RAD51B: variants seen among roughly 807,000 people sequenced by gnomAD.
RAD51B encodes the protein DNA repair protein RAD51 homolog 2.
In RAD51B, 38 loss-of-function variants were observed where a neutral mutation model predicts 42.2. The observed-to-expected ratio is 0.90, with a 90% CI of 0.70 to 1.18. RAD51B has a LOEUF of 1.18. Ranked by LOEUF, RAD51B falls within the 50% of genes most tolerant of loss-of-function variation. RAD51B has a pLI of 0.00. For missense variants in RAD51B, 373 were observed against 400.7 expected (o/e 0.93, Z 0.59); for synonymous variants, 154 against 145.2 (o/e 1.06, Z -0.43).
chr14:68,668,318 T>C (rs922443690), intron 11 of RAD51B, among the ~76,000 whole-genome samples: 5 of 152,226 alleles, frequency 3.3e-5, no homozygotes, highest in Admixed American at 6.5e-5. Context: ...ATGAGAGTTT[T>C]GTCTGAGGAC....
At position 68,167,690 on chromosome 14, in the gene RAD51B, A is replaced by G. The variant is rs950461017; in HGVS notation, c.757-124194A>G. On this transcript the variant is annotated intron_variant, in intron 7 of 10. Coordinates refer to ENST00000471583, the MANE Select transcript of RAD51B (RefSeq NM_133510.4). Reference sequence around the variant, plus strand: ...ACGAGGTCTTTACTTAATTGGTATGATTGATGGGACAACAGGAATACTCCT... The same window carrying G: ...ACGAGGTCTTTACTTAATTGGTATGGTTGATGGGACAACAGGAATACTCCT... Among the ~76,000 whole-genome samples, 18 of 152,142 alleles carry G rather than the reference A, an allele frequency of 1.2e-4. No individual in the cohort carries two copies. In the South Asian group the frequency reaches 1.2e-3, roughly 11 times the overall value.
intron 11 of RAD51B, among the ~76,000 whole-genome samples, chr14:68,673,433 C>T (rs1437055544): frequency 2.0e-5 from 3 of 151,778 alleles, no homozygotes; most frequent in Non-Finnish European, 2.9e-5. Context: ...AACATGTATA[C>T]ATGCACACAC....
intron 10 of RAD51B, among the ~76,000 whole-genome samples, chr14:68,502,427 C>T (rs145245070): frequency 1.2e-3 from 185 of 152,324 alleles, no homozygotes; most frequent in Non-Finnish European, 2.1e-3. Flanking sequence ...CTGAAGGCAA[C>T]AGGGCTGCCT....
At chr14:68,460,314 G>A (rs2085810998) in intron 9 of RAD51B, among the ~76,000 whole-genome samples, 1 of 152,110 alleles carries the variant, frequency 6.6e-6, no homozygotes. Flanking sequence ...TTAGCTGGGT[G>A]TGGTGGCAGG....
At chr14:68,421,735 T>C (rs2084706059) in intron 9 of RAD51B, 8 of 1,593,788 alleles carry the variant, frequency 5.0e-6, no homozygotes, top group Non-Finnish European at 6.8e-6. Context: ...GGTGATCTTC[T>C]TGCTGGTCTT....
chr14:68,204,700 AT>A (rs1408430678), intron 7 of RAD51B, among the ~76,000 whole-genome samples: 1 of 152,180 alleles, frequency 6.6e-6, no homozygotes, highest in Admixed American at 6.5e-5. Context: ...ATGTGATTTA[AT>A]TTTTTAAAAA....
chr14:68,601,588 C>A (rs541047995), intron 10 of RAD51B, among the ~76,000 whole-genome samples: 121 of 152,298 alleles, frequency 7.9e-4, no homozygotes, highest in African/African-American at 2.8e-3. Context: ...ATCAGGCCTG[C>A]ATATGTTGAT....
chr14:68,147,044 T>G (rs962042035), intron 7 of RAD51B, among the ~76,000 whole-genome samples: 1 of 152,184 alleles, frequency 6.6e-6, no homozygotes, highest in Non-Finnish European at 1.5e-5. Context: ...GACTCGCCAC[T>G]TAGAACCACA....
At chr14:67,925,028 C>A (rs893306941) in intron 7 of RAD51B, among the ~76,000 whole-genome samples, 4 of 152,206 alleles carry the variant, frequency 2.6e-5, no homozygotes, top group African/African-American at 9.7e-5. Flanking sequence ...CAAAGGGGCT[C>A]CAGGCCCCAT....
intron 9 of RAD51B, among the ~76,000 whole-genome samples, chr14:68,455,351 C>T (rs1472183009): frequency 6.6e-6 from 1 of 152,106 alleles, no homozygotes; most frequent in Non-Finnish European, 1.5e-5. Flanking sequence ...ACCTGCCATA[C>T]AGAAAATACT....
intron 7 of RAD51B, among the ~76,000 whole-genome samples, chr14:68,273,791 A>G (rs1469152564): frequency 1.4e-4 from 22 of 152,070 alleles, no homozygotes. Flanking sequence ...GGCTCAAGCG[A>G]TCCTCTCCCA....
At chr14:67,886,794 TTA>T (rs1566942095) in intron 6 of RAD51B, 2 of 336,384 alleles carry the variant, frequency 5.9e-6, no homozygotes, top group African/African-American at 4.3e-5. Context: ...AGCGTTAACA[TTA>T]TCTTAGGAGA....
intron 7 of RAD51B, among the ~76,000 whole-genome samples, chr14:68,035,178 T>C (rs993279246): frequency 6.6e-6 from 1 of 152,228 alleles, no homozygotes; most frequent in Non-Finnish European, 1.5e-5. Flanking sequence ...TTTTATCTTA[T>C]TTACAGATTC....
intron 10 of RAD51B, among the ~76,000 whole-genome samples, chr14:68,625,600 G>A (rs1164177494): frequency 1.3e-5 from 2 of 152,174 alleles, no homozygotes; most frequent in East Asian, 3.8e-4. Flanking sequence ...GGCCTCCCGA[G>A]TAGCTGGGCC....
intron 7 of RAD51B, among the ~76,000 whole-genome samples, chr14:68,045,816 G>A (rs1399206518): frequency 4.6e-5 from 7 of 151,968 alleles, no homozygotes; most frequent in Admixed American, 2.6e-4. Context: ...AAACCTTTGG[G>A]GATGATGATT....
intron 10 of RAD51B, among the ~76,000 whole-genome samples, chr14:68,608,721 C>A (rs1891554636): frequency 6.6e-6 from 1 of 152,174 alleles, no homozygotes; most frequent in Admixed American, 6.5e-5. Flanking sequence ...GTTAAGTGAG[C>A]ATGAACAGAG....
chr14:68,233,222 C>T (rs186162631), intron 7 of RAD51B, among the ~76,000 whole-genome samples: 14 of 152,300 alleles, frequency 9.2e-5, no homozygotes, highest in African/African-American at 3.1e-4. Context: ...TTATAACCCC[C>T]TAACAAGAAC....
At chr14:68,428,707 T>TTATA (rs532906803) in intron 9 of RAD51B, among the ~76,000 whole-genome samples, 31 of 99,564 alleles carry the variant, frequency 3.1e-4, no homozygotes, top group Non-Finnish European at 3.7e-4. Flanking sequence ...AGGATTTTCT[T>TTATA]TATATATATA....
At chr14:67,823,485 T>A in intron 1 of RAD51B, 57 bp from the exon 2 acceptor site, 1 of 1,476,090 alleles carries the variant, frequency 6.8e-7, no homozygotes, top group South Asian at 1.2e-5. Flanking sequence ...TCACTATCAC[T>A]TATGTTATAT....
Sources: gnomAD v4.1 joint callset for allele counts (sites outside exome capture counted in the v4.1 genomes callset) on GRCh38, gnomAD v4.1.1 for gene constraint, MANE v1.5 for transcripts, NCBI Gene and HGNC (gene_info 2026-07-23, HGNC 2026-07-21) for gene names.